The following SPTLC2 variants were observed in gnomAD, a reference collection of about 807,000 sequenced individuals.
SPTLC2 encodes serine palmitoyltransferase 2.
SPTLC2 carries 21 observed loss-of-function variants against 62.0 expected under a neutral mutation model. That is an observed-to-expected ratio of 0.34 (90% CI 0.24 to 0.49). SPTLC2 has a LOEUF of 0.49. SPTLC2 is among the 20% of genes least tolerant of loss of function. SPTLC2 has a pLI of 0.99. For synonymous variants in SPTLC2, 261 were observed against 261.8 expected (o/e 1.00, Z 0.03); for missense variants, 511 against 713.0 (o/e 0.72, Z 3.23).
intron 1 of SPTLC2, 68 bp downstream of exon 1, chr14:77,616,380 G>T: frequency 9.6e-7 from 1 of 1,036,418 alleles, no homozygotes; most frequent in Non-Finnish European, 1.2e-6. Context: ...CGGAGACCTC[G>T]CCCCGCCCGG....
intron 9 of SPTLC2, among the ~76,000 whole-genome samples, chr14:77,535,198 A>G (rs2079463095): frequency 6.6e-6 from 1 of 152,186 alleles, no homozygotes; most frequent in Admixed American, 6.5e-5. Flanking sequence ...AAGTGCTAGG[A>G]TTACAGCTGT....
intron 1 of SPTLC2, among the ~76,000 whole-genome samples, chr14:77,598,122 CAAAA>C (rs11410783): frequency 1.7e-5 from 2 of 116,984 alleles, no homozygotes; most frequent in Admixed American, 9.0e-5. Flanking sequence ...AACCCCATCT[CAAAA>C]AAAAAAAAAA....
At chr14:77,614,290 C>CA (rs2079953105) in intron 1 of SPTLC2, among the ~76,000 whole-genome samples, 1 of 152,276 alleles carries the variant, frequency 6.6e-6, no homozygotes, top group Admixed American at 6.5e-5. Flanking sequence ...GAACATAACT[C>CA]ATAGGGATTG....
chr14:77,570,353 G>C, intron 5 of SPTLC2, 31 bp downstream of exon 5: 2 of 1,610,082 alleles, frequency 1.2e-6, no homozygotes, highest in Non-Finnish European at 8.5e-7. Context: ...ATATACATGA[G>C]GGAGTTTTCA....
At chr14:77,532,653 A>AGGG (rs2079446466) in intron 9 of SPTLC2, among the ~76,000 whole-genome samples, 1 of 151,928 alleles carries the variant, frequency 6.6e-6, no homozygotes, top group Non-Finnish European at 1.5e-5. Context: ...GTGTGGTGGC[A>AGGG]GGCGCCTGTA....
In SPTLC2 at chr14:77,574,847, G is replaced by C. The variant is rs2079705409; in HGVS notation, c.631+1920C>G. ...GGTTGCCAAGGACTTGTAGGGGGAA[G>C]GGAAACAGTATCCAATGAATGCTAC... On this transcript the variant is annotated intron_variant, in intron 4 of 11. Transcript: ENST00000216484. 2.6e-5 allele frequency among the ~76,000 whole-genome samples: 4 copies of C among 152,172 alleles called. No homozygotes were observed. In the South Asian group the frequency reaches 8.3e-4, roughly 32 times the overall value.
chr14:77,531,507 CTCT>C (rs1397153203), intron 9 of SPTLC2, among the ~76,000 whole-genome samples: 2 of 65,370 alleles, frequency 3.1e-5, no homozygotes, highest in Non-Finnish European at 5.6e-5. Flanking sequence ...CCTCCTCCTC[CTCT>C]TCTTCTTCTT....
intron 9 of SPTLC2, chr14:77,547,904 G>A (rs2079537783): frequency 9.6e-6 from 1 of 104,700 alleles, no homozygotes; most frequent in Admixed American, 1.2e-4. Flanking sequence ...TTTTTTTTAA[G>A]TGTCTCAGTT....
At chr14:77,565,517 T>C (rs2079640251) in intron 5 of SPTLC2, among the ~76,000 whole-genome samples, 1 of 152,186 alleles carries the variant, frequency 6.6e-6, no homozygotes, top group Non-Finnish European at 1.5e-5. Flanking sequence ...TCACTGAGAA[T>C]GGTATCACTT....
At chr14:77,571,171 C>T (rs1328673034) in intron 4 of SPTLC2, among the ~76,000 whole-genome samples, 1 of 152,144 alleles carries the variant, frequency 6.6e-6, no homozygotes, top group Non-Finnish European at 1.5e-5. Context: ...TGTTTTAAAC[C>T]ACTAAGTTTT....
At chr14:77,534,588 T>TATACACACACACACACAC (rs1555373988) in intron 9 of SPTLC2, among the ~76,000 whole-genome samples, 144 of 141,236 alleles carry the variant, frequency 1.0e-3, no homozygotes, top group African/African-American at 3.4e-3. Context: ...CATATTTCAG[T>TATACACACACACACACAC]ACACACACAC....
intron 9 of SPTLC2, chr14:77,535,832 T>C (rs1366006214): frequency 1.6e-5 from 6 of 366,816 alleles, no homozygotes; most frequent in Non-Finnish European, 2.7e-5. Context: ...CAGGTGAAAG[T>C]GGACAGAAAT....
At chr14:77,594,137 AC>A (rs1245595976) in intron 2 of SPTLC2, among the ~76,000 whole-genome samples, 2 of 152,116 alleles carry the variant, frequency 1.3e-5, no homozygotes, top group African/African-American at 4.8e-5. Flanking sequence ...ACCCTATGCT[AC>A]TCAGATACTT....
intron 2 of SPTLC2, among the ~76,000 whole-genome samples, chr14:77,583,188 A>G (rs1012218269): frequency 6.9e-6 from 1 of 144,416 alleles, no homozygotes; most frequent in African/African-American, 2.6e-5. Flanking sequence ...CAATAGAGTG[A>G]AAAGCTGTCT....
chr14:77,533,431 G>C (rs2079451657), intron 9 of SPTLC2, among the ~76,000 whole-genome samples: 1 of 151,872 alleles, frequency 6.6e-6, no homozygotes, highest in Admixed American at 6.6e-5. Context: ...ATTCTGAAAA[G>C]CAAATACGGT....
At chr14:77,558,626 G>GT (rs11412876) in intron 6 of SPTLC2, among the ~76,000 whole-genome samples, 78,027 of 143,616 alleles carry the variant, frequency 0.54, 21,764 homozygotes, top group East Asian at 0.9. Context: ...CAGTTTTTTT[G>GT]TTTTTTTTTT....
At chr14:77,565,432 C>A (rs1191703938) in intron 5 of SPTLC2, among the ~76,000 whole-genome samples, 3 of 152,088 alleles carry the variant, frequency 2.0e-5, no homozygotes, top group Non-Finnish European at 4.4e-5. Flanking sequence ...AAAATCCCCG[C>A]TGACACCTGA....
At chr14:77,609,555 G>A (rs986520504) in intron 1 of SPTLC2, among the ~76,000 whole-genome samples, 12 of 152,122 alleles carry the variant, frequency 7.9e-5, no homozygotes, top group African/African-American at 2.9e-4. Flanking sequence ...GACCAACATG[G>A]TGAAACCCCA....
At chr14:77,612,631 C>A (rs961832569) in intron 1 of SPTLC2, among the ~76,000 whole-genome samples, 2 of 152,172 alleles carry the variant, frequency 1.3e-5, no homozygotes, top group Non-Finnish European at 2.9e-5. Flanking sequence ...TCATAACTAT[C>A]GTCTCCTTTT....
Sources: gnomAD v4.1 joint callset for allele counts (sites outside exome capture counted in the v4.1 genomes callset) on GRCh38, gnomAD v4.1.1 for gene constraint, MANE v1.5 for transcripts, NCBI Gene and HGNC (gene_info 2026-07-23, HGNC 2026-07-21) for gene names.